ZNF385B: variants seen among roughly 807,000 people sequenced by gnomAD.
ZNF385B encodes the protein zinc finger protein 533.
A neutral mutation model predicts 39.2 loss-of-function variants in ZNF385B; 23 were observed. The observed-to-expected ratio is 0.59, with a 90% CI of 0.42 to 0.83. The LOEUF is 0.83. ZNF385B is among the 40% of genes least tolerant of loss of function. The pLI, the probability that ZNF385B is intolerant of heterozygous loss-of-function variation, is 0.00. For synonymous variants in ZNF385B, 205 were observed against 222.6 expected (o/e 0.92, Z 0.70); for missense variants, 552 against 598.9 (o/e 0.92, Z 0.82).
rs187802461 is a variant in ZNF385B at position 179,545,859 on chromosome 2, T to C, written c.299-890A>G. ...TAATCACCTCAGGGTAAATGAAGTATCCATCCCCTCAAGCATTTATCCTTT... is the reference window on the plus strand; with the variant it reads ...TAATCACCTCAGGGTAAATGAAGTACCCATCCCCTCAAGCATTTATCCTTT... On this transcript the variant is annotated intron_variant, in intron 3 of 9. Transcript: ENST00000410066. Among the ~76,000 whole-genome samples, 360 of 152,226 alleles carry C rather than the reference T, an allele frequency of 2.4e-3. 3 individuals are homozygous for C. The highest frequency in any genetic ancestry group is 8.4e-3 in the African/African-American group (349 of 41,548).
chr2:179,721,503 C>T (rs1389192062), intron 3 of ZNF385B, among the ~76,000 whole-genome samples: 7 of 152,002 alleles, frequency 4.6e-5, no homozygotes, highest in Non-Finnish European at 1.0e-4. Context: ...ATAACAAAAC[C>T]ATATCAGCAA....
In ZNF385B at chr2:179,769,699, C is replaced by A. The variant is rs774840134; in HGVS notation, c.102G>T (p.Arg34Ser). The A allele has an allele frequency of 3.7e-6, 6 of 1,614,186 alleles. 1 individual carries two copies. The South Asian group carries it at 5.5e-5, about 15-fold the overall frequency. Reference sequence around the variant, plus strand: ...TCTCTTTGCTCAACTGGTCCTCAGGCCTGTCGTTCTTTATCCCCTTTTCTT... The same window carrying A: ...TCTCTTTGCTCAACTGGTCCTCAGGACTGTCGTTCTTTATCCCCTTTTCTT... ...GFEEKGIKND[R>S]PEDQLSKEKK... is the part of the protein sequence containing the mutation. Residue 34 changes from arginine (R) to serine (S), a missense_variant, in exon 3 of 10, where the codon AGG becomes AGT. Transcript: ENST00000410066.
At position 179,644,736 on chromosome 2, in the gene ZNF385B, T is replaced by C. The variant is rs563268689; in HGVS notation, c.299-99767A>G. ...CTGAAGAAAGTCTCAGCCCATCACC[T>C]GATCAAATAAACATGCTCATTACTC... On this transcript the variant is annotated intron_variant, in intron 3 of 9. Transcript: ENST00000410066. 2.0e-5 allele frequency among the ~76,000 whole-genome samples: 3 copies of C among 152,308 alleles called. No homozygotes were observed. In the East Asian group the frequency reaches 5.8e-4, roughly 29 times the overall value.
At chr2:179,857,061 A>G (rs1480702) in intron 1 of ZNF385B, among the ~76,000 whole-genome samples, 3,561 of 152,256 alleles carry the variant, frequency 0.023, 137 homozygotes, top group African/African-American at 0.081. Context: ...CTTATTCCTA[A>G]ACTTGTTCAA....
chr2:179,760,223 C>CACGTGT (rs1553525686), intron 3 of ZNF385B, among the ~76,000 whole-genome samples: 2 of 144,550 alleles, frequency 1.4e-5, no homozygotes, highest in African/African-American at 5.1e-5. Context: ...TTCCTGTGTG[C>CACGTGT]GTGTGTGTGT....
At chr2:179,745,994 A>G in intron 3 of ZNF385B, 4 of 1,176,670 alleles carry the variant, frequency 3.4e-6, no homozygotes, top group Non-Finnish European at 4.2e-6. Flanking sequence ...TAAAGAAAGC[A>G]GAGCAATTTC....
chr2:179,707,902 G>T (rs527835870), intron 3 of ZNF385B, among the ~76,000 whole-genome samples: 1 of 152,192 alleles, frequency 6.6e-6, no homozygotes, highest in African/African-American at 2.4e-5. Context: ...ACAGTGGATC[G>T]CTAAGGAGCC....
chr2:179,708,007 C>T (rs1049538787), intron 3 of ZNF385B, among the ~76,000 whole-genome samples: 1 of 152,160 alleles, frequency 6.6e-6, no homozygotes, highest in African/African-American at 2.4e-5. Flanking sequence ...TCAATAAGAG[C>T]AGTGGTTGCC....
At chr2:179,453,866 T>C (rs1032131094) in intron 6 of ZNF385B, among the ~76,000 whole-genome samples, 4 of 152,154 alleles carry the variant, frequency 2.6e-5, no homozygotes, top group Non-Finnish European at 4.4e-5. Flanking sequence ...AATTCACACA[T>C]TGTCCCTGAG....
intron 3 of ZNF385B, among the ~76,000 whole-genome samples, chr2:179,713,178 T>G (rs1210581052): frequency 2.0e-5 from 3 of 152,220 alleles, no homozygotes; most frequent in Admixed American, 1.3e-4. Flanking sequence ...ACTTACAATA[T>G]TTTCACCTAA....
chr2:179,574,488 T>C (rs531437315), intron 3 of ZNF385B, among the ~76,000 whole-genome samples: 207 of 152,282 alleles, frequency 1.4e-3, no homozygotes, highest in Non-Finnish European at 2.5e-3. Flanking sequence ...AGGAGCAGCG[T>C]GGGCTAAAAA....
At chr2:179,757,836 C>G (rs1456947494) in intron 3 of ZNF385B, among the ~76,000 whole-genome samples, 1 of 152,096 alleles carries the variant, frequency 6.6e-6, no homozygotes, top group Non-Finnish European at 1.5e-5. Context: ...GTGGGAGTGA[C>G]CCAATTTTCC....
At chr2:179,665,977 G>A (rs753699703) in intron 3 of ZNF385B, among the ~76,000 whole-genome samples, 6 of 152,174 alleles carry the variant, frequency 3.9e-5, no homozygotes, top group Admixed American at 1.3e-4. Context: ...TGCCAGCTGG[G>A]AGGAATGTGT....
intron 5 of ZNF385B, among the ~76,000 whole-genome samples, chr2:179,494,482 T>C (rs2055936697): frequency 1.3e-5 from 2 of 152,130 alleles, no homozygotes; most frequent in Admixed American, 1.3e-4. Context: ...TTCAAAAACA[T>C]AATTTTCTTA....
At chr2:179,526,821 T>C (rs1323535195) in intron 4 of ZNF385B, among the ~76,000 whole-genome samples, 1 of 152,180 alleles carries the variant, frequency 6.6e-6, no homozygotes, top group Non-Finnish European at 1.5e-5. Flanking sequence ...CCACAAACCG[T>C]TTATTAAACC....
At chr2:179,541,799 A>G (rs1281081734) in intron 4 of ZNF385B, among the ~76,000 whole-genome samples, 1 of 140,368 alleles carries the variant, frequency 7.1e-6, no homozygotes, top group African/African-American at 2.5e-5. Context: ...TGCCTTCCAC[A>G]CTTCCAGAAA....
intron 3 of ZNF385B, among the ~76,000 whole-genome samples, chr2:179,759,001 C>T (rs1703209478): frequency 6.6e-6 from 1 of 152,202 alleles, no homozygotes; most frequent in Admixed American, 6.5e-5. Context: ...TCAGTTTCAG[C>T]CACATCTCAG....
intron 1 of ZNF385B, among the ~76,000 whole-genome samples, chr2:179,815,955 T>A (rs1018056512): frequency 2.6e-5 from 4 of 152,044 alleles, no homozygotes; most frequent in Admixed American, 1.3e-4. Context: ...GGTGATCTCA[T>A]TCAGGCTCTT....
chr2:179,850,895 A>C lies in ZNF385B; in HGVS notation c.-155+10206T>G, dbSNP rs1684086320. 3.3e-5 allele frequency among the ~76,000 whole-genome samples: 5 copies of C among 152,228 alleles called. No individual in the cohort carries two copies. In the South Asian group the frequency reaches 1.0e-3, roughly 32 times the overall value. On this transcript the variant is annotated intron_variant, in intron 1 of 9. Coordinates refer to ENST00000410066, the MANE Select transcript of ZNF385B (RefSeq NM_152520.6). ...AATCCATCCCATGGAGGGATCCTCA[A>C]ATTACCACCATAGTTAGCCTTATGC...
Sources: gnomAD v4.1 joint callset for allele counts (sites outside exome capture counted in the v4.1 genomes callset) on GRCh38, gnomAD v4.1.1 for gene constraint, MANE v1.5 for transcripts, NCBI Gene and HGNC (gene_info 2026-07-23, HGNC 2026-07-21) for gene names.